The following ASIC2 variants were observed in gnomAD, a reference collection of about 807,000 sequenced individuals.
ASIC2 encodes the protein acid sensing ion channel subunit 2, also known as acid-sensing ion channel 2.
A neutral mutation model predicts 57.3 loss-of-function variants in ASIC2; 25 were observed. The ratio of observed to expected loss-of-function variants is 0.44; its 90% confidence interval spans 0.32 to 0.61. The LOEUF (loss-of-function observed/expected upper bound fraction) is 0.61, where lower values mean the gene tolerates loss of function less well. Among genes scored for constraint, ASIC2 ranks in the 20% least tolerant of loss-of-function variants. The pLI is 0.06. For synonymous variants in ASIC2, 319 were observed against 307.5 expected (o/e 1.04, Z -0.39); for missense variants, 641 against 738.1 (o/e 0.87, Z 1.52).
intron 1 of ASIC2, among the ~76,000 whole-genome samples, chr17:33,538,756 A>G (rs1209519149): frequency 6.6e-6 from 1 of 152,182 alleles, no homozygotes; most frequent in Non-Finnish European, 1.5e-5. Context: ...GGTTTTTTCT[A>G]CAAGGTAGAT....
intron 1 of ASIC2, among the ~76,000 whole-genome samples, chr17:34,093,697 A>G (rs1910416476): frequency 6.6e-6 from 1 of 152,162 alleles, no homozygotes; most frequent in Non-Finnish European, 1.5e-5. Flanking sequence ...CTCTACCTGG[A>G]TGTCTTCAGT....
At chr17:34,044,495 C>T (rs970931236) in intron 1 of ASIC2, among the ~76,000 whole-genome samples, 20 of 152,114 alleles carry the variant, frequency 1.3e-4, no homozygotes, top group African/African-American at 1.9e-4. Context: ...ATTTTGAAAG[C>T]GGCCAGGCGT....
At chr17:33,343,924 G>T (rs749630700) in intron 1 of ASIC2, among the ~76,000 whole-genome samples, 4 of 152,182 alleles carry the variant, frequency 2.6e-5, no homozygotes, top group African/African-American at 4.8e-5. Flanking sequence ...TACCTGGACC[G>T]CCCTGTGTCT....
At chr17:33,764,089 C>T (rs551330540) in intron 1 of ASIC2, among the ~76,000 whole-genome samples, 5 of 152,052 alleles carry the variant, frequency 3.3e-5, no homozygotes, top group Non-Finnish European at 7.4e-5. Context: ...GTCAGGAGAT[C>T]GAGACCATCC....
rs532190490 is a variant in ASIC2, at chr17:33,672,685, G to C, written c.555+483293C>G. Among the ~76,000 whole-genome samples the C allele has an allele frequency of 2.0e-5, 3 of 152,298 alleles. No homozygotes were observed. The East Asian group carries it at 5.8e-4, about 29-fold the overall frequency. On this transcript the variant is annotated intron_variant, in intron 1 of 9. Coordinates refer to the ASIC2 transcript ENST00000359872. ...TGACTTTCCACCCCAGCCTGCTGAT[G>C]TTATCTTCCTAGGAACTGCTACATC...
intron 1 of ASIC2, among the ~76,000 whole-genome samples, chr17:33,233,966 G>A (rs548518386): frequency 1.1e-4 from 17 of 152,218 alleles, no homozygotes; most frequent in African/African-American, 4.1e-4. Flanking sequence ...GGGAAAGTAG[G>A]TCATGGCCAC....
At chr17:34,071,704 C>T (rs1459581886) in intron 1 of ASIC2, 2 of 152,066 alleles carry the variant, frequency 1.3e-5, no homozygotes, top group African/African-American at 4.8e-5. Flanking sequence ...GTGGTGTGCA[C>T]CTGTAATCCT....
intron 1 of ASIC2, among the ~76,000 whole-genome samples, chr17:33,419,023 G>A (rs1217646880): frequency 6.6e-6 from 1 of 152,128 alleles, no homozygotes; most frequent in Non-Finnish European, 1.5e-5. Flanking sequence ...GATGGGTGCA[G>A]CAAACCACCA....
At chr17:33,970,841 G>A (rs754306618) in intron 1 of ASIC2, among the ~76,000 whole-genome samples, 84 of 152,250 alleles carry the variant, frequency 5.5e-4, no homozygotes, top group Non-Finnish European at 1.0e-3. Flanking sequence ...TGAAGTGGGG[G>A]CTGAGAAATC....
intron 1 of ASIC2, among the ~76,000 whole-genome samples, chr17:33,120,677 T>C (rs138544349): frequency 1.3e-5 from 2 of 152,290 alleles, no homozygotes; most frequent in South Asian, 2.1e-4. Flanking sequence ...GCTTGGCTGG[T>C]TGGGGGAAGA....
chr17:33,169,730 T>A (rs1567771395), intron 1 of ASIC2, among the ~76,000 whole-genome samples: 1 of 152,218 alleles, frequency 6.6e-6, no homozygotes. Context: ...AAACCCCTGC[T>A]GAGTCTCACA....
intron 1 of ASIC2, among the ~76,000 whole-genome samples, chr17:33,726,914 A>G (rs965027994): frequency 6.6e-6 from 1 of 152,226 alleles, no homozygotes; most frequent in African/African-American, 2.4e-5. Context: ...AAATGTACCA[A>G]AAATTTTTGG....
intron 1 of ASIC2, among the ~76,000 whole-genome samples, chr17:33,699,858 A>G (rs1368814332): frequency 6.6e-6 from 1 of 152,248 alleles, no homozygotes; most frequent in African/African-American, 2.4e-5. Flanking sequence ...TGCCCATGTC[A>G]TGAACTTACA....
intron 1 of ASIC2, among the ~76,000 whole-genome samples, chr17:33,152,794 G>T (rs774569880): frequency 6.6e-6 from 1 of 152,204 alleles, no homozygotes. Flanking sequence ...AGCATGTTAC[G>T]TGGTCTGGGC....
At chr17:33,803,445 A>T (rs768345809) in intron 1 of ASIC2, among the ~76,000 whole-genome samples, 2 of 152,112 alleles carry the variant, frequency 1.3e-5, no homozygotes, top group Non-Finnish European at 2.9e-5. Flanking sequence ...AATAAATGGC[A>T]AGAGAACCCT....
intron 1 of ASIC2, among the ~76,000 whole-genome samples, chr17:33,605,286 C>T (rs866482905): frequency 4.6e-5 from 7 of 152,234 alleles, no homozygotes; most frequent in Non-Finnish European, 4.4e-5. Context: ...GAAGGAAGAC[C>T]CGTCTCATCT....
At chr17:33,025,798 A>G (rs547571352) in intron 5 of ASIC2, 128 bp downstream of exon 5, 55 of 884,832 alleles carry the variant, frequency 6.2e-5, no homozygotes, top group African/African-American at 2.8e-4. Flanking sequence ...CCACCCGACC[A>G]GCCCCTTTCT....
intron 1 of ASIC2, among the ~76,000 whole-genome samples, chr17:33,772,943 G>A (rs1418906906): frequency 6.6e-6 from 1 of 152,168 alleles, no homozygotes; most frequent in East Asian, 1.9e-4. Context: ...AAGCTATAAG[G>A]CATGGAAAAG....
intron 1 of ASIC2, among the ~76,000 whole-genome samples, chr17:33,838,394 C>A (rs1321426939): frequency 6.6e-6 from 1 of 152,080 alleles, no homozygotes; most frequent in Non-Finnish European, 1.5e-5. Context: ...AGAGGCTTCA[C>A]CCAGATCATG....
Sources: gnomAD v4.1 joint callset for allele counts (sites outside exome capture counted in the v4.1 genomes callset) on GRCh38, gnomAD v4.1.1 for gene constraint, MANE v1.5 for transcripts, NCBI Gene and HGNC (gene_info 2026-07-23, HGNC 2026-07-21) for gene names.